The following FRMD3 variants were observed in gnomAD, a reference collection of about 807,000 sequenced individuals.
FRMD3 encodes the protein FERM domain containing 3, also known as FERM domain-containing protein 3.
FRMD3 carries 33 observed loss-of-function variants against 70.2 expected under a neutral mutation model. The ratio of observed to expected loss-of-function variants is 0.47; its 90% CI spans 0.36 to 0.63. FRMD3 has a LOEUF of 0.63. FRMD3 is among the 20% of genes least tolerant of loss of function. FRMD3 has a pLI of 0.00. For missense variants in FRMD3, 632 were observed against 711.4 expected, an observed-to-expected ratio of 0.89 and a Z score of 1.27; for synonymous variants, 279 against 255.9, an observed-to-expected ratio of 1.09 and a Z score of -0.86.
intron 3 of FRMD3, among the ~76,000 whole-genome samples, chr9:83,372,523 T>C (rs1206290322): frequency 6.6e-6 from 1 of 152,154 alleles, no homozygotes; most frequent in African/African-American, 2.4e-5. Context: ...TCCAAACACA[T>C]CTGCTTCTCC....
chr9:83,348,751 C>T (rs377541085), intron 4 of FRMD3, among the ~76,000 whole-genome samples: 8 of 152,088 alleles, frequency 5.3e-5, no homozygotes, highest in East Asian at 1.9e-4. Context: ...CCATCTCCCA[C>T]GCCCAGCACA....
chr9:83,389,491 C>T (rs966996809), intron 2 of FRMD3, 113 bp downstream of exon 2: 3 of 715,994 alleles, frequency 4.2e-6, no homozygotes, highest in African/African-American at 1.7e-5. Context: ...GTTTCATGTG[C>T]CCAATAATCT....
At chr9:83,292,593 T>G (rs951880542) in intron 12 of FRMD3, among the ~76,000 whole-genome samples, 1 of 152,248 alleles carries the variant, frequency 6.6e-6, no homozygotes, top group African/African-American at 2.4e-5. Context: ...TAGTTCATTT[T>G]AAGTCCCAGT....
At chr9:83,311,998 A>T in intron 7 of FRMD3, 23 bp from the exon 8 acceptor site, 1 of 1,524,288 alleles carries the variant, frequency 6.6e-7, no homozygotes, top group Non-Finnish European at 8.9e-7. Flanking sequence ...AAAAAGAAAA[A>T]AGAAAAATCT....
chr9:83,571,873 G>T, the FRMD3 span, among the ~76,000 whole-genome samples: 1 of 152,196 alleles, frequency 6.6e-6, no homozygotes, highest in African/African-American at 2.4e-5. Flanking sequence ...AGAAATTGGA[G>T]TCAACAACTA....
the FRMD3 span, among the ~76,000 whole-genome samples, chr9:83,549,359 G>A: frequency 6.6e-6 from 1 of 152,110 alleles, no homozygotes; most frequent in Non-Finnish European, 1.5e-5. Flanking sequence ...TGTTACTGAT[G>A]GGCATTTAGG....
chr9:83,341,831 A>T (rs1011497723), intron 5 of FRMD3, among the ~76,000 whole-genome samples: 1 of 152,106 alleles, frequency 6.6e-6, no homozygotes, highest in African/African-American at 2.4e-5. Flanking sequence ...ACCAAACACA[A>T]CTGAGAACAG....
intron 3 of FRMD3, among the ~76,000 whole-genome samples, chr9:83,366,585 A>G (rs995294740): frequency 2.0e-5 from 3 of 152,112 alleles, no homozygotes; most frequent in African/African-American, 4.8e-5. Flanking sequence ...AAAAACAAAA[A>G]CAAAAAATAA....
chr9:83,327,491 T>C (rs1025134785), intron 6 of FRMD3, among the ~76,000 whole-genome samples: 2 of 152,180 alleles, frequency 1.3e-5, no homozygotes, highest in African/African-American at 4.8e-5. Flanking sequence ...CTCTGGACTT[T>C]AGAAGACTTT....
intron 6 of FRMD3, among the ~76,000 whole-genome samples, chr9:83,323,118 T>C (rs907612375): frequency 2.0e-5 from 3 of 152,226 alleles, no homozygotes; most frequent in African/African-American, 4.8e-5. Context: ...GAAAACTCTT[T>C]GGCATTATCT....
chr9:83,567,849 G>A, the FRMD3 span, among the ~76,000 whole-genome samples: 2 of 152,150 alleles, frequency 1.3e-5, no homozygotes, highest in African/African-American at 4.8e-5. Flanking sequence ...TCTCTAGGAG[G>A]TTCCAAACTT....
At chr9:83,436,781 G>GAAAA (rs200464485) in intron 1 of FRMD3, among the ~76,000 whole-genome samples, 2 of 132,282 alleles carry the variant, frequency 1.5e-5, no homozygotes, top group Admixed American at 7.7e-5. Flanking sequence ...GGACCAAGGG[G>GAAAA]AAAAAAAAAA....
At chr9:83,243,367 G>GAAGT, downstream of FRMD3, among the ~76,000 whole-genome samples, 1 of 152,224 alleles carries the variant, frequency 6.6e-6, no homozygotes, top group East Asian at 1.9e-4. Context: ...AACCATCCCA[G>GAAGT]AAGTCACCCC....
chr9:83,366,034 G>C (rs1273466236), intron 3 of FRMD3, among the ~76,000 whole-genome samples: 1 of 152,102 alleles, frequency 6.6e-6, no homozygotes, highest in Non-Finnish European at 1.5e-5. Flanking sequence ...AGTGGGGAAA[G>C]ATGCCAACAA....
At position 83,298,756 on chromosome 9, in the gene FRMD3, C is replaced by T; in HGVS notation, c.1062G>A (p.Glu354=). ...AGTGATCATCCACTCACCTGTGCAC[C>T]TCAGGAGGCTCCCTCTGGATCTTGG... ...ASSKIQREPP[E]VHRANITQSR... The change falls in exon 12 of 14, where the codon GAG becomes GAA. Residue 354 remains glutamate, a synonymous_variant. Coordinates refer to ENST00000304195, the MANE Select transcript of FRMD3 (RefSeq NM_174938.6). The T allele has an allele frequency of 6.2e-7, 1 of 1,614,182 alleles. No homozygotes were observed. Among genetic ancestry groups the T allele is most frequent in the South Asian group, 1.1e-5 (1 of 91,084 alleles).
At chr9:83,492,911 C>G (rs1192624946) in intron 1 of FRMD3, among the ~76,000 whole-genome samples, 3 of 152,218 alleles carry the variant, frequency 2.0e-5, no homozygotes, top group Admixed American at 1.3e-4. Context: ...ATTCCCTTCT[C>G]CTCTACTCAG....
rs60065758 is a variant in FRMD3, at chr9:83,490,798, T to TCACACACACACA, written c.147+47275_147+47286dup. Among the ~76,000 whole-genome samples the TCACACACACACA allele has an allele frequency of 7.2e-5, 8 of 110,786 alleles. No individual in the cohort carries two copies. The South Asian group carries it at 1.1e-3, about 15-fold the overall frequency. 72.7% of individuals were successfully genotyped at this position (110,786 alleles called of 152,430 possible). A position where few individuals can be genotyped will look rare whatever the true frequency, so the allele number is the denominator to read the frequency against. On this transcript the variant is annotated intron_variant, in intron 1 of 13. Transcript: ENST00000304195. ...CTCTCTCTCTCTCTCTCTCTCTCTC[T>TCACACACACACA]CACACACACACACACACACACACAC...
chr9:83,465,223 T>C (rs1828093198), intron 1 of FRMD3, among the ~76,000 whole-genome samples: 1 of 152,088 alleles, frequency 6.6e-6, no homozygotes, highest in South Asian at 2.1e-4. Context: ...ATGAGGAAAC[T>C]GTCATGACCC....
chr9:83,245,756 T>A lies in FRMD3; in HGVS notation c.*2162A>T, dbSNP rs1274216836. 1.0e-6 allele frequency: 1 copy of A among 984,580 alleles called. No homozygotes were observed. Among genetic ancestry groups the A allele is most frequent in the Non-Finnish European group, 1.2e-6 (1 of 829,304 alleles). 61.0% of individuals were successfully genotyped at this position (984,580 alleles called of 1,614,324 possible). On this transcript the variant is annotated 3_prime_UTR_variant, in exon 14 of 14. Coordinates refer to ENST00000304195, the MANE Select transcript of FRMD3 (RefSeq NM_174938.6). ...ATATGACGCATGATCAGAAGGGGAC[T>A]AATTTTGTGCAGACTACACTAAAGT...
Sources: allele counts gnomAD v4.1 joint callset (sites outside exome capture counted in the v4.1 genomes callset), GRCh38; gene constraint gnomAD v4.1.1; transcripts MANE v1.5; gene names NCBI Gene and HGNC (gene_info 2026-07-23, HGNC 2026-07-21).